The following SDK2 variants were observed in gnomAD, a reference collection of about 807,000 sequenced individuals.
SDK2 encodes the protein sidekick cell adhesion molecule 2.
Under a neutral mutation model 253.9 loss-of-function variants are expected in SDK2, and 105 were observed. The observed-to-expected ratio is 0.41, with a 90% CI of 0.35 to 0.49. The LOEUF (loss-of-function observed/expected upper bound fraction) is 0.49, where lower values mean the gene tolerates loss of function less well. Ranked by LOEUF, SDK2 falls within the 20% of genes least tolerant of loss-of-function variation. SDK2 has a pLI of 0.06. For missense variants in SDK2, 2,608 were observed against 3,003.0 expected, an observed-to-expected ratio of 0.87 and a Z score of 3.07; for synonymous variants, 1,249 against 1,234.9, an observed-to-expected ratio of 1.01 and a Z score of -0.24.
rs747465842 is a variant in SDK2 at position 73,609,015 on chromosome 17, GAGAA to G, written c.64+35006_64+35009del. On this transcript the variant is annotated intron_variant, in intron 1 of 44. Transcript: ENST00000392650. This position sits in a 1 kb window ranked among gnomAD's most constrained non-coding sequence, Gnocchi z 4.4. ...CTATTGGCTTAGATGTGGGGTGTAAGAGAAAGAGTCAAGGGTTAGCCTTGAGGTT... is the reference window on the plus strand; with the variant it reads ...CTATTGGCTTAGATGTGGGGTGTAAGAGAGTCAAGGGTTAGCCTTGAGGTT... 2.1e-4 allele frequency among the ~76,000 whole-genome samples: 32 copies of G among 152,338 alleles called. No homozygotes were observed. The highest frequency in any genetic ancestry group is 4.1e-4 in the South Asian group (2 of 4,830).
chr17:73,382,647 T>C (rs2062840320), intron 33 of SDK2, among the ~76,000 whole-genome samples: 1 of 152,274 alleles, frequency 6.6e-6, no homozygotes, highest in South Asian at 2.1e-4. Flanking sequence ...TAAATGCACC[T>C]AACTGTCCGC....
intron 2 of SDK2, among the ~76,000 whole-genome samples, chr17:73,473,423 A>G (rs2063665839): frequency 6.6e-6 from 1 of 152,174 alleles, no homozygotes; most frequent in African/African-American, 2.4e-5. Context: ...CCTCAGAGGA[A>G]GAAGGGATGT....
At chr17:73,587,525 C>T (rs971335640) in intron 1 of SDK2, among the ~76,000 whole-genome samples, 3 of 152,216 alleles carry the variant, frequency 2.0e-5, no homozygotes, top group Admixed American at 6.5e-5. Flanking sequence ...CATCTCTGCA[C>T]GTTATCTGTG....
chr17:73,504,631 C>CA (rs146981971), intron 2 of SDK2, among the ~76,000 whole-genome samples: 5,759 of 46,672 alleles, frequency 0.12, 695 homozygotes, highest in African/African-American at 0.22. Context: ...GACTCTGTCT[C>CA]AAAAAAAAAA....
intron 1 of SDK2, among the ~76,000 whole-genome samples, chr17:73,516,015 C>T (rs1181456457): frequency 6.6e-6 from 1 of 152,184 alleles, no homozygotes; most frequent in Non-Finnish European, 1.5e-5. Context: ...GAAAGAGGGG[C>T]AGGGGCTGTT....
At chr17:73,369,500 C>T (rs1229559478) in intron 36 of SDK2, among the ~76,000 whole-genome samples, 2 of 152,260 alleles carry the variant, frequency 1.3e-5, no homozygotes, top group Non-Finnish European at 2.9e-5. Context: ...GCAGTTTTGT[C>T]GTACATTCAG....
intron 2 of SDK2, among the ~76,000 whole-genome samples, chr17:73,478,597 G>A (rs922288391): frequency 2.6e-5 from 4 of 152,336 alleles, no homozygotes; most frequent in African/African-American, 9.6e-5. Flanking sequence ...GTGGGAGGAA[G>A]AGCCAGGACA....
chr17:73,359,599 C>T (rs2062624005), intron 39 of SDK2, among the ~76,000 whole-genome samples: 1 of 152,200 alleles, frequency 6.6e-6, no homozygotes, highest in South Asian at 2.1e-4. Context: ...CTGCATGTTC[C>T]CCGCCTGCAG....
At chr17:73,504,059 G>C (rs1333890095) in intron 2 of SDK2, among the ~76,000 whole-genome samples, 1 of 152,058 alleles carries the variant, frequency 6.6e-6, no homozygotes, top group Non-Finnish European at 1.5e-5. Context: ...GGTTCTGGAA[G>C]CTCTGACTTC....
intron 1 of SDK2, among the ~76,000 whole-genome samples, chr17:73,584,388 C>A (rs1234996820): frequency 6.6e-6 from 1 of 152,206 alleles, no homozygotes; most frequent in East Asian, 1.9e-4. Context: ...TAGAAAAGGG[C>A]TGGGTGAGGG....
chr17:73,358,259 C>T (rs941769593), intron 39 of SDK2, 55 bp from the exon 40 acceptor site: 25 of 1,545,670 alleles, frequency 1.6e-5, no homozygotes, highest in Non-Finnish European at 2.1e-5. Context: ...AGCCACCCAG[C>T]CCGTCACCCT....
intron 1 of SDK2, among the ~76,000 whole-genome samples, chr17:73,528,488 T>C (rs2064143646): frequency 6.6e-6 from 1 of 152,212 alleles, no homozygotes; most frequent in Non-Finnish European, 1.5e-5. Context: ...GCTGAGGATC[T>C]GCCCAAGGTC....
At chr17:73,365,448 C>T in intron 37 of SDK2, 53 bp from the exon 38 acceptor site, 2 of 1,525,178 alleles carry the variant, frequency 1.3e-6, no homozygotes, top group Non-Finnish European at 8.8e-7. Context: ...AAGTTCAAAG[C>T]CTCGGGTTCA....
intron 44 of SDK2, among the ~76,000 whole-genome samples, chr17:73,345,413 C>T (rs1056226727): frequency 2.6e-5 from 4 of 152,118 alleles, no homozygotes; most frequent in African/African-American, 9.7e-5. Context: ...GAAATGAAAA[C>T]GTGGTTATTT....
chr17:73,372,341 T>A (rs2062740787), intron 36 of SDK2, among the ~76,000 whole-genome samples: 1 of 152,186 alleles, frequency 6.6e-6, no homozygotes, highest in Non-Finnish European at 1.5e-5. Context: ...TCTGCCAGAA[T>A]GCAGGCTCCA....
chr17:73,566,315 A>ATGTGTGTGTGTG (rs1348465708), intron 1 of SDK2, among the ~76,000 whole-genome samples: 62 of 111,814 alleles, frequency 5.5e-4, no homozygotes, highest in African/African-American at 2.1e-3. Context: ...ATTCTTATAT[A>ATGTGTGTGTGTG]TATATGTGTG....
chr17:73,496,226 G>A lies in SDK2; in HGVS notation c.224+11212C>T, dbSNP rs1402260804. Among the ~76,000 whole-genome samples, 1 of 152,162 alleles carries A rather than the reference G, an allele frequency of 6.6e-6. No homozygotes were observed. The highest frequency in any genetic ancestry group is 1.5e-5 in the Non-Finnish European group (1 of 68,024). On this transcript the variant is annotated intron_variant, in intron 2 of 44. Transcript: ENST00000392650. This position sits in a 1 kb window ranked among gnomAD's most constrained non-coding sequence, Gnocchi z 4.7. Reference sequence around the variant, plus strand: ...GACACTCTTCTGCACGCTTCATCTTGCATGACATTCCCAGCCACCCTGGGA... The same window carrying A: ...GACACTCTTCTGCACGCTTCATCTTACATGACATTCCCAGCCACCCTGGGA...
intron 1 of SDK2, among the ~76,000 whole-genome samples, chr17:73,579,935 AC>A (rs1484941761): frequency 6.6e-6 from 1 of 151,512 alleles, no homozygotes; most frequent in African/African-American, 2.4e-5. Context: ...CTGAGATCGC[AC>A]CACTGCATTC....
chr17:73,385,349 C>T lies in SDK2; in HGVS notation c.4569+498G>A, dbSNP rs76589303. Among the ~76,000 whole-genome samples, 618 of 152,178 alleles carry T rather than the reference C, an allele frequency of 4.1e-3. 29 individuals are homozygous for T. In the East Asian group the frequency reaches 0.087, roughly 21 times the overall value. Reference sequence around the variant, plus strand: ...AGTGGGCATCTGGAAGGGGTATGGACGAAGGGGGGCATTTCTCTCTACTTG... The same window carrying T: ...AGTGGGCATCTGGAAGGGGTATGGATGAAGGGGGGCATTTCTCTCTACTTG... On this transcript the variant is annotated intron_variant, in intron 32 of 44. Coordinates refer to ENST00000392650, the MANE Select transcript of SDK2 (RefSeq NM_001144952.2).
Sources: allele counts gnomAD v4.1 joint callset (sites outside exome capture counted in the v4.1 genomes callset), GRCh38; gene constraint gnomAD v4.1.1; non-coding constraint Gnocchi (gnomAD v3.1); transcripts MANE v1.5; gene names NCBI Gene and HGNC (gene_info 2026-07-23, HGNC 2026-07-21).